Variants in PTPRU observed in about 807,000 individuals in gnomAD.
The protein encoded by PTPRU is receptor-type tyrosine-protein phosphatase U.
In PTPRU, 69 loss-of-function variants were observed where a neutral mutation model predicts 166.3. That is an observed-to-expected ratio of 0.41 (90% CI 0.34 to 0.51). PTPRU has a LOEUF of 0.51. PTPRU is among the 20% of genes least tolerant of loss of function. PTPRU has a pLI of 0.09. For synonymous variants in PTPRU, 793 were observed against 814.0 expected (o/e 0.97, Z 0.44); for missense variants, 1,657 against 2,013.7 (o/e 0.82, Z 3.39).
Position 29,275,570 on chromosome 1 carries a change from T to C in PTPRU, c.1267T>C (p.Tyr423His), listed in dbSNP as rs1206343055. 6.2e-7 allele frequency: 1 copy of C among 1,614,202 alleles called. No homozygotes were observed. The highest frequency in any genetic ancestry group is 8.5e-7 in the Non-Finnish European group (1 of 1,180,036). The change falls in exon 8 of 30, where the codon TAT becomes CAT. Residue 423 changes from tyrosine (Y) to histidine (H), a missense_variant. Physicochemically the swap from Tyr to His is moderately conservative, Grantham distance 83. Coordinates refer to ENST00000373779, the MANE Select transcript of PTPRU (RefSeq NM_133178.4). The stretch of plus-strand genomic sequence containing the variant: ...CCACACCTATACTGTGTCGCTGTGC[T>C]ATCACTACACCCTGGGCAGCAGCCA... The part of the protein sequence containing the change: ...RCHTYTVSLC[Y>H]HYTLGSSHNQ...
At chr1:29,310,307 TG>T (rs1000225126) in intron 18 of PTPRU, among the ~76,000 whole-genome samples, 3 of 151,984 alleles carry the variant, frequency 2.0e-5, no homozygotes, top group Non-Finnish European at 2.9e-5. Context: ...ATCCCAAGTG[TG>T]GGGGCTAAGA....
At chr1:29,281,566 GATT>G in intron 11 of PTPRU, among the ~76,000 whole-genome samples, 1 of 152,258 alleles carries the variant, frequency 6.6e-6, no homozygotes, top group African/African-American at 2.4e-5. Flanking sequence ...GCACAATGGG[GATT>G]ATTCTAGATT....
At chr1:29,281,001 A>G (rs1339671631) in intron 11 of PTPRU, among the ~76,000 whole-genome samples, 1 of 152,190 alleles carries the variant, frequency 6.6e-6, no homozygotes, top group Admixed American at 6.5e-5. Context: ...TTTGGAAGCC[A>G]GGTCTATCTG....
chr1:29,243,633 A>G (rs1684154528), intron 1 of PTPRU, among the ~76,000 whole-genome samples: 1 of 152,146 alleles, frequency 6.6e-6, no homozygotes, highest in Non-Finnish European at 1.5e-5. Context: ...CAGTTGGTGA[A>G]ATTTCTCCCA....
At position 29,261,579 on chromosome 1, in the gene PTPRU, G is replaced by A. The variant is rs147531951; in HGVS notation, c.1144+676G>A. 5.3e-5 allele frequency among the ~76,000 whole-genome samples: 8 copies of A among 152,240 alleles called. No homozygotes were observed. In the East Asian group the frequency reaches 1.5e-3, roughly 29 times the overall value. On this transcript the variant is annotated intron_variant, in intron 7 of 29. Transcript: ENST00000373779. ...GAGTTTTGCTCTGTCACCCAGGCTG[G>A]AGCACAGTGGCGCGATCTTGGTTCA...
At chr1:29,278,627 T>C (rs1378680209) in intron 8 of PTPRU, among the ~76,000 whole-genome samples, 2 of 152,238 alleles carry the variant, frequency 1.3e-5, no homozygotes, top group Admixed American at 6.5e-5. Flanking sequence ...CGCAATGCAA[T>C]TGCTGTTTTC....
At chr1:29,292,435 A>T (rs1271130821) in intron 15 of PTPRU, among the ~76,000 whole-genome samples, 2 of 152,132 alleles carry the variant, frequency 1.3e-5, no homozygotes, top group Non-Finnish European at 2.9e-5. Flanking sequence ...GGGGCAAGTC[A>T]CTTAAGCCCT....
chr1:29,248,618 G>A (rs1367389060), intron 1 of PTPRU, among the ~76,000 whole-genome samples: 1 of 152,118 alleles, frequency 6.6e-6, no homozygotes, highest in Admixed American at 6.5e-5. Flanking sequence ...TTTGCCAGGT[G>A]TCTTCAGAAA....
rs1686003402 is a variant in PTPRU, at chr1:29,280,280, G to C, written c.1868+139G>C. The C allele has an allele frequency of 1.2e-5, 10 of 842,468 alleles. No individual in the cohort carries two copies. Among genetic ancestry groups the C allele is most frequent in the Non-Finnish European group, 1.8e-5 (10 of 551,026 alleles). The allele number at this position is 842,468 out of a possible 1,614,324, so 52.2% of individuals were successfully genotyped here. A position where few individuals can be genotyped will look rare whatever the true frequency, so the allele number is the denominator to read the frequency against. ...CGCAGGGCTTGGAGTGTCTGGAGGAGATTGTTCTGTGATGCTTGGCAGGCA... is the reference window on the plus strand; with the variant it reads ...CGCAGGGCTTGGAGTGTCTGGAGGACATTGTTCTGTGATGCTTGGCAGGCA... On this transcript the variant is annotated intron_variant, in intron 11 of 29. Transcript: ENST00000373779. The surrounding 1 kb of genome is among the most constrained non-coding windows in gnomAD (Gnocchi z 4.2).
At chr1:29,308,809 A>G (rs1464992191) in intron 18 of PTPRU, among the ~76,000 whole-genome samples, 1 of 152,054 alleles carries the variant, frequency 6.6e-6, no homozygotes, top group Admixed American at 6.6e-5. Flanking sequence ...GGATTGCTTG[A>G]GCCCAGGAGT....
chr1:29,246,122 T>C (rs1015203626), intron 1 of PTPRU, among the ~76,000 whole-genome samples: 1 of 152,232 alleles, frequency 6.6e-6, no homozygotes, highest in African/African-American at 2.4e-5. Context: ...CACAGTTGCA[T>C]TGTACCAACA....
chr1:29,312,432 CATTGGGATTA>C (rs1687707423), intron 21 of PTPRU, 110 bp from the exon 22 acceptor site: 1 of 963,396 alleles, frequency 1.0e-6, no homozygotes. Flanking sequence ...GTAAATTGAT[CATTGGGATTA>C]GTTGAGATTA....
rs1683833504 is a variant in PTPRU, at chr1:29,237,662, G to C, written c.73+945G>C. 6.6e-6 allele frequency among the ~76,000 whole-genome samples: 1 copy of C among 151,426 alleles called. No homozygotes were observed. The highest frequency in any genetic ancestry group is 2.1e-4 in the South Asian group (1 of 4,830). On this transcript the variant is annotated intron_variant, in intron 1 of 29. Transcript: ENST00000373779. The surrounding 1 kb of genome is among the most constrained non-coding windows in gnomAD (Gnocchi z 6.4). Reference sequence around the variant, plus strand: ...CGGGCAGGGCCCGAGGCTCAGGGGAGGACCGGGCCCCGCGGCCGCCGCCTC... The same window carrying C: ...CGGGCAGGGCCCGAGGCTCAGGGGACGACCGGGCCCCGCGGCCGCCGCCTC...
intron 12 of PTPRU, among the ~76,000 whole-genome samples, chr1:29,283,310 C>T (rs1322321057): frequency 1.3e-5 from 2 of 150,430 alleles, no homozygotes; most frequent in East Asian, 2.0e-4. Flanking sequence ...GTCCCATAGT[C>T]CCTTCTCCCA....
chr1:29,277,785 G>T (rs111543715), intron 8 of PTPRU, among the ~76,000 whole-genome samples: 5 of 131,132 alleles, frequency 3.8e-5, no homozygotes, highest in African/African-American at 1.5e-4. Context: ...CTGACCATCT[G>T]GCTTCACAGT....
At chr1:29,322,108 T>C (rs1018314583) in intron 26 of PTPRU, among the ~76,000 whole-genome samples, 1 of 152,202 alleles carries the variant, frequency 6.6e-6, no homozygotes. Context: ...TTTGTGAAAA[T>C]GACCCAGGAC....
At chr1:29,305,931 G>A (rs527625187) in intron 18 of PTPRU, among the ~76,000 whole-genome samples, 2 of 152,326 alleles carry the variant, frequency 1.3e-5, no homozygotes, top group South Asian at 4.1e-4. Context: ...ACTGTGCTAA[G>A]CACTTTACAC....
chr1:29,291,655 A>G lies in PTPRU; in HGVS notation c.2319-214A>G, dbSNP rs1574674125. ...CCCCTTTCCCTTAGCAAAGGTCCCT[A>G]GGACGGGCTCTGCCAAGCCCTTTTC... On this transcript the variant is annotated intron_variant, in intron 14 of 29. Transcript: ENST00000373779. This position sits in a 1 kb window ranked among gnomAD's most constrained non-coding sequence, Gnocchi z 4.1. 1.3e-5 allele frequency among the ~76,000 whole-genome samples: 2 copies of G among 152,326 alleles called. No individual in the cohort carries two copies. The highest frequency in any genetic ancestry group is 2.4e-5 in the African/African-American group (1 of 41,574).
chr1:29,292,026 G>A lies in PTPRU; in HGVS notation c.2476G>A (p.Gly826Arg). The change falls in exon 15 of 30, where the codon GGA becomes AGA. Residue 826 changes from glycine (G) to arginine (R), a missense_variant and splice_region_variant. Coordinates refer to ENST00000373779, the MANE Select transcript of PTPRU (RefSeq NM_133178.4). ...GGACACCCATGGCTACAGCACCCGGGGTGAGTGCCCGGCCCTCCTACCCCT... is the reference window on the plus strand; with the variant it reads ...GGACACCCATGGCTACAGCACCCGGAGTGAGTGCCCGGCCCTCCTACCCCT... ...FMDTHGYSTR[G>R]DQRSGGVTEA... is the part of the protein sequence containing the mutation. 1 of 1,613,964 alleles carries A rather than the reference G, an allele frequency of 6.2e-7. No individual in the cohort carries two copies. The highest frequency in any genetic ancestry group is 8.5e-7 in the Non-Finnish European group (1 of 1,179,946).
Sources: allele counts gnomAD v4.1 joint callset (sites outside exome capture counted in the v4.1 genomes callset), GRCh38; gene constraint gnomAD v4.1.1; non-coding constraint Gnocchi (gnomAD v3.1); transcripts MANE v1.5; gene names NCBI Gene and HGNC (gene_info 2026-07-23, HGNC 2026-07-21).